Variants in TENM2 observed in about 807,000 individuals in gnomAD.
TENM2 encodes teneurin-2.
In TENM2, 52 loss-of-function variants were observed where a neutral mutation model predicts 245.2. The observed-to-expected ratio is 0.21, with a 90% CI of 0.17 to 0.27. TENM2 has a LOEUF of 0.27. TENM2 is among the 10% of genes least tolerant of loss of function. TENM2 has a pLI of 1.00. For missense variants in TENM2, 3,046 were observed against 3,666.8 expected (o/e 0.83, Z 4.37); for synonymous variants, 1,363 against 1,438.9 (o/e 0.95, Z 1.19).
chr5:167,306,092 T>C (rs1755658183), intron 1 of TENM2, among the ~76,000 whole-genome samples: 1 of 152,156 alleles, frequency 6.6e-6, no homozygotes, highest in Admixed American at 6.5e-5. Flanking sequence ...CATCCCAATA[T>C]CTAGAAGAGG....
At chr5:167,783,086 G>C (rs1582999033) in intron 2 of TENM2, among the ~76,000 whole-genome samples, 1 of 152,096 alleles carries the variant, frequency 6.6e-6, no homozygotes, top group Non-Finnish European at 1.5e-5. Context: ...AATTTTTAAA[G>C]CACAGTGCAT....
At chr5:168,108,451 A>T (rs1794424414) in intron 9 of TENM2, among the ~76,000 whole-genome samples, 1 of 152,174 alleles carries the variant, frequency 6.6e-6, no homozygotes, top group African/African-American at 2.4e-5. Context: ...CATATTACCT[A>T]TTACATTGCT....
intron 2 of TENM2, among the ~76,000 whole-genome samples, chr5:167,404,516 G>A (rs1197807292): frequency 6.6e-6 from 1 of 152,028 alleles, no homozygotes; most frequent in East Asian, 1.9e-4. Context: ...ATAAACCTTT[G>A]AAGGAAGCCC....
At chr5:168,010,365 A>G (rs1452470566) in intron 5 of TENM2, among the ~76,000 whole-genome samples, 1 of 152,230 alleles carries the variant, frequency 6.6e-6, no homozygotes, top group Admixed American at 6.5e-5. Context: ...AGTTTGGAAT[A>G]AAGTGAACAG....
At chr5:167,500,788 C>T (rs941261995) in intron 2 of TENM2, among the ~76,000 whole-genome samples, 5 of 152,022 alleles carry the variant, frequency 3.3e-5, no homozygotes, top group African/African-American at 1.2e-4. Context: ...TTTGAATTCA[C>T]CAGGGCCAAG....
chr5:167,639,024 A>G (rs987512997), intron 2 of TENM2, among the ~76,000 whole-genome samples: 1 of 152,234 alleles, frequency 6.6e-6, no homozygotes, highest in South Asian at 2.1e-4. Context: ...TAATTATGAT[A>G]CAAGCATATC....
chr5:167,748,877 CTG>C (rs944255300), intron 2 of TENM2, among the ~76,000 whole-genome samples: 10 of 152,056 alleles, frequency 6.6e-5, no homozygotes, highest in African/African-American at 2.4e-4. Context: ...CACATGAAGA[CTG>C]TGGGGATTAC....
chr5:168,248,268 C>A, exon 27 of TENM2: 1 of 1,613,996 alleles, frequency 6.2e-7, no homozygotes, highest in East Asian at 2.2e-5. Flanking sequence ...CAGACTATAC[C>A]ATGTGGAAAA....
At chr5:168,206,959 C>T (rs1205425485) in intron 19 of TENM2, among the ~76,000 whole-genome samples, 1 of 152,160 alleles carries the variant, frequency 6.6e-6, no homozygotes, top group Non-Finnish European at 1.5e-5. Flanking sequence ...TTGCTGCTTG[C>T]TCTGCTTAAA....
chr5:167,668,020 G>A (rs1054938143), intron 2 of TENM2, among the ~76,000 whole-genome samples: 2 of 152,090 alleles, frequency 1.3e-5, no homozygotes, highest in Admixed American at 1.3e-4. Context: ...TTCATCTCAG[G>A]AGAAAGTCTT....
chr5:167,729,689 A>C (rs1212648933), intron 2 of TENM2, among the ~76,000 whole-genome samples: 1 of 152,182 alleles, frequency 6.6e-6, no homozygotes, highest in Non-Finnish European at 1.5e-5. Context: ...AAGGTTTGTG[A>C]GTATTTTTTC....
the TENM2 span, among the ~76,000 whole-genome samples, chr5:167,250,678 A>G: frequency 1.3e-5 from 2 of 152,240 alleles, no homozygotes; most frequent in South Asian, 2.1e-4. Flanking sequence ...TGTTTCTGCA[A>G]TGTGGCGAAT....
At chr5:167,672,271 GTATATATACACACACA>G (rs924949569) in intron 2 of TENM2, among the ~76,000 whole-genome samples, 2 of 151,596 alleles carry the variant, frequency 1.3e-5, no homozygotes, top group African/African-American at 2.4e-5. Flanking sequence ...GTGTGTATAT[GTATATATACACACACA>G]TATATATACA....
At chr5:167,240,572 A>G in the TENM2 span, among the ~76,000 whole-genome samples, 1 of 152,306 alleles carries the variant, frequency 6.6e-6, no homozygotes, top group South Asian at 2.1e-4. Flanking sequence ...AGAGTTAAGG[A>G]GCTTCAGGGT....
At chr5:167,223,225 ATTG>A in the TENM2 span, among the ~76,000 whole-genome samples, 1 of 152,108 alleles carries the variant, frequency 6.6e-6, no homozygotes, top group African/African-American at 2.4e-5. Flanking sequence ...GATACGATAC[ATTG>A]TTGTTAACTA....
intron 3 of TENM2, among the ~76,000 whole-genome samples, chr5:167,898,413 C>G (rs1185609948): frequency 6.6e-6 from 1 of 152,098 alleles, no homozygotes; most frequent in Non-Finnish European, 1.5e-5. Context: ...TTAGCTATCC[C>G]TTTAAGCTTA....
chr5:167,617,903 G>C (rs1777894032), intron 2 of TENM2, among the ~76,000 whole-genome samples: 1 of 152,122 alleles, frequency 6.6e-6, no homozygotes, highest in Non-Finnish European at 1.5e-5. Context: ...TATGAATTTT[G>C]TACCTTAGCA....
At chr5:167,068,545 AT>A in the TENM2 span, among the ~76,000 whole-genome samples, 1 of 152,142 alleles carries the variant, frequency 6.6e-6, no homozygotes, top group Admixed American at 6.5e-5. Flanking sequence ...GATATTTTGC[AT>A]TTTTTATATT....
chr5:167,056,671 T>C, the TENM2 span, among the ~76,000 whole-genome samples: 24 of 123,266 alleles, frequency 1.9e-4, no homozygotes, highest in African/African-American at 7.9e-4. Flanking sequence ...ATATGTGCCA[T>C]ATATATATTA....
Sources: allele counts gnomAD v4.1 joint callset (sites outside exome capture counted in the v4.1 genomes callset), GRCh38; gene constraint gnomAD v4.1.1; transcripts MANE v1.5; gene names NCBI Gene and HGNC (gene_info 2026-07-23, HGNC 2026-07-21).